WDR45: variants seen among roughly 807,000 people sequenced by gnomAD.
WDR45 encodes the protein WD repeat domain phosphoinositide-interacting protein 4.
In WDR45, 2 loss-of-function variants were observed where a neutral mutation model predicts 27.3. The observed-to-expected ratio is 0.07, with a 90% CI of 0.03 to 0.23. The LOEUF (loss-of-function observed/expected upper bound fraction) is 0.23, where lower values mean the gene tolerates loss of function less well. Ranked by LOEUF, WDR45 falls within the 10% of genes least tolerant of loss-of-function variation. The probability of loss-of-function intolerance (pLI) is 1.00; values close to 1 mark genes in which losing one functional copy is unlikely to be tolerated. For synonymous variants in WDR45, 99 were observed against 119.2 expected, an observed-to-expected ratio of 0.83 and a Z score of 1.11; for missense variants, 175 against 311.9, an observed-to-expected ratio of 0.56 and a Z score of 3.31.
intron 2 of WDR45, among the ~76,000 whole-genome samples, chrX:49,091,106 A>G (rs2065103463): frequency 9.1e-6 from 1 of 109,477 alleles, no homozygotes; most frequent in Admixed American, 9.8e-5. Context: ...TATAGGTGTG[A>G]GCCACTGCGC....
chrX:49,083,316 GTTTTTTT>G (rs781995765), upstream of WDR45, among the ~76,000 whole-genome samples: 181 of 72,023 alleles, frequency 2.5e-3, no homozygotes, highest in Non-Finnish European at 3.9e-3. Context: ...CCGGCCTCTC[GTTTTTTT>G]TTTTTTTTTT....
intron 5 of WDR45, 58 bp downstream of exon 5, chrX:49,076,587 T>C (rs2065039180): frequency 3.3e-6 from 4 of 1,201,039 alleles, no homozygotes; most frequent in Non-Finnish European, 3.4e-6. Context: ...GGGAGGACTA[T>C]CCCTCTCACT....
intron 2 of WDR45, among the ~76,000 whole-genome samples, chrX:49,088,760 G>A: frequency 8.9e-6 from 1 of 111,772 alleles, no homozygotes; most frequent in Non-Finnish European, 1.9e-5. Context: ...GACATGGGAA[G>A]ATGGCTTGAA....
intron 5 of WDR45, 42 bp from the exon 6 acceptor site, chrX:49,076,566 CG>C: frequency 2.5e-6 from 3 of 1,204,548 alleles, no homozygotes; most frequent in Non-Finnish European, 3.4e-6. Context: ...GAGGGGGTGG[CG>C]GGATGCCCAG....
chrX:49,081,810 C>T (rs1174618836), upstream of WDR45, among the ~76,000 whole-genome samples: 7 of 107,013 alleles, frequency 6.5e-5, no homozygotes, highest in Non-Finnish European at 1.3e-4. Flanking sequence ...ACGGTGAAAC[C>T]TCCTCTCTAC....
chrX:49,091,577 G>A (rs1446783165), intron 2 of WDR45, among the ~76,000 whole-genome samples: 5 of 98,212 alleles, frequency 5.1e-5, no homozygotes, highest in Non-Finnish European at 1.0e-4. Flanking sequence ...GTGAAACCCC[G>A]TCTCTACTAA....
At position 49,075,159 on chromosome X, in the gene WDR45, G is replaced by A. The variant is rs782712197; in HGVS notation, c.950C>T (p.Ser317Phe). ...ACICAFGRNT[S>F]KNVNSVIAIC... ...ACCAATGACAGAGTTGACGTTCTTG[G>A]AAGTATTGCGACCGAAGGCGCAGAT... Residue 317 changes from serine (S) to phenylalanine (F), a missense_variant, in exon 10 of 11, where the codon TCC (serine) becomes TTC (phenylalanine). Physicochemically the swap from Ser to Phe is radical, Grantham distance 155. Transcript: ENST00000376372. 7.4e-6 allele frequency: 9 copies of A among 1,211,044 alleles called. No homozygotes were observed. The highest frequency in any genetic ancestry group is 6.5e-5 in the Admixed American group (3 of 46,014).
upstream of WDR45, among the ~76,000 whole-genome samples, chrX:49,083,338 T>TTC (rs1347565386): frequency 1.0e-3 from 103 of 102,616 alleles, no homozygotes; most frequent in African/African-American, 3.5e-3. Context: ...TTTTTTTTTT[T>TTC]CTCCATCTCT....
chrX:49,076,387 C>G (rs782417896), intron 6 of WDR45, 43 bp downstream of exon 6: 1 of 1,174,264 alleles, frequency 8.5e-7, no homozygotes, highest in African/African-American at 1.8e-5. Flanking sequence ...CTGCCCCATC[C>G]ACTGTTTCAT....
At chrX:49,078,875 C>T (rs1028493938) in intron 1 of WDR45, among the ~76,000 whole-genome samples, 1 of 112,299 alleles carries the variant, frequency 8.9e-6, no homozygotes, top group Non-Finnish European at 1.9e-5. Flanking sequence ...CTTCTTGTAC[C>T]TCCCTGACTT....
chrX:49,081,196 G>A (rs1557085075), upstream of WDR45, among the ~76,000 whole-genome samples: 2 of 100,388 alleles, frequency 2.0e-5, no homozygotes, highest in Admixed American at 1.0e-4. Context: ...GTGAGCCACT[G>A]CGCCCGGCTG....
In WDR45 at chrX:49,074,887, G is replaced by C; in HGVS notation, c.999C>G (p.His333Gln). The C allele has an allele frequency of 8.3e-7, 1 of 1,210,991 alleles. No homozygotes were observed. Among genetic ancestry groups the C allele is most frequent in the Non-Finnish European group, 1.1e-6 (1 of 894,576 alleles). ...VIAICVDGTF[H>Q]KYVFTPDGNC... The stretch of plus-strand genomic sequence containing the variant: ...TTCCATCAGGAGTGAAGACATATTT[G>C]TGGAAGGTCCCATCTACGCAGATGG... The change falls in exon 11 of 11, where the codon CAC becomes CAG. Residue 333 changes from histidine (H) to glutamine (Q), a missense_variant. Around this residue, in one of 3 missense-constraint regions of WDR45, gnomAD observed 71 missense variants for 123.0 expected, o/e 0.58. Coordinates refer to ENST00000376372, the MANE Select transcript of WDR45 (RefSeq NM_001029896.2).
Position 49,075,296 on chromosome X carries a change from G to A in WDR45, c.828-15C>T, listed in dbSNP as rs782408641. 3 of 1,209,478 alleles carry A rather than the reference G, an allele frequency of 2.5e-6. No individual in the cohort carries two copies. Among genetic ancestry groups the A allele is most frequent in the Non-Finnish European group, 3.4e-6 (3 of 894,561 alleles). On this transcript the variant is annotated splice_polypyrimidine_tract_variant and intron_variant, in intron 9 of 10. Transcript: ENST00000376372. ...CGCGAGCCAGCCTGCAGGCAGCACTGGCTAAGCCCAGGTATGGTAAATGGG... is the reference window on the plus strand; with the variant it reads ...CGCGAGCCAGCCTGCAGGCAGCACTAGCTAAGCCCAGGTATGGTAAATGGG...
At chrX:49,087,077 G>T (rs1385358658) in intron 2 of WDR45, among the ~76,000 whole-genome samples, 1 of 108,589 alleles carries the variant, frequency 9.2e-6, no homozygotes, top group Non-Finnish European at 1.9e-5. Context: ...GATAAAGAAG[G>T]CTGGGCATGG....
At chrX:49,077,559 C>T in intron 4 of WDR45, 84 bp downstream of exon 4, 1 of 870,631 alleles carries the variant, frequency 1.1e-6, no homozygotes, top group Non-Finnish European at 1.7e-6. Context: ...ACTCTGACGT[C>T]TTCATCTGCC....
chrX:49,081,614 C>T (rs1335088746), upstream of WDR45, among the ~76,000 whole-genome samples: 2 of 107,896 alleles, frequency 1.9e-5, no homozygotes, highest in African/African-American at 6.8e-5. Context: ...ACCACTTAAA[C>T]CTAGGAGGCG....
chrX:49,094,005 C>T (rs1249621207), intron 2 of WDR45, among the ~76,000 whole-genome samples: 5 of 109,034 alleles, frequency 4.6e-5, no homozygotes, highest in Non-Finnish European at 9.5e-5. Context: ...CCATGCCTGG[C>T]TATTTTCTGT....
chrX:49,075,141 A>G lies in WDR45; in HGVS notation c.968T>C (p.Val323Ala). Residue 323 changes from valine to alanine, a missense_variant, in exon 10 of 11, where the codon GTC becomes GCC. Val to Ala is a moderately conservative substitution (Grantham distance 64). Coordinates refer to ENST00000376372, the MANE Select transcript of WDR45 (RefSeq NM_001029896.2). ...GRNTSKNVNS[V>A]IAICVDGTFH... ...AAGGGGCTGTTCCCACTCACCAATG[A>G]CAGAGTTGACGTTCTTGGAAGTATT... 1 of 1,210,742 alleles carries G rather than the reference A, an allele frequency of 8.3e-7. No individual in the cohort carries two copies. The highest frequency in any genetic ancestry group is 1.7e-5 in the African/African-American group (1 of 57,941).
chrX:49,085,633 G>A (rs1318005719), intron 2 of WDR45, among the ~76,000 whole-genome samples: 1 of 113,006 alleles, frequency 8.8e-6, no homozygotes, highest in Non-Finnish European at 1.9e-5. Flanking sequence ...CCAGCACTTT[G>A]GGAGGCGGAA....
Sources: allele counts gnomAD v4.1 joint callset (sites outside exome capture counted in the v4.1 genomes callset), GRCh38; gene constraint gnomAD v4.1.1; regional missense constraint gnomAD v4.1.1; transcripts MANE v1.5; gene names NCBI Gene and HGNC (gene_info 2026-07-23, HGNC 2026-07-21).